The following ADAM32 variants were observed in gnomAD, a reference collection of about 807,000 sequenced individuals.
ADAM32 encodes the protein ADAM metallopeptidase domain 32.
ADAM32 carries 89 observed loss-of-function variants against 114.9 expected under a neutral mutation model. The observed-to-expected ratio is 0.77, with a 90% CI of 0.65 to 0.92. ADAM32 has a LOEUF of 0.92. Ranked by LOEUF, ADAM32 falls within the 40% of genes least tolerant of loss-of-function variation. The probability of loss-of-function intolerance (pLI) is 0.00; values close to 1 mark genes in which losing one functional copy is unlikely to be tolerated. For synonymous variants in ADAM32, 285 were observed against 307.5 expected (o/e 0.93, Z 0.77); for missense variants, 870 against 932.8 (o/e 0.93, Z 0.88).
At position 39,183,034 on chromosome 8, in the gene ADAM32, C is replaced by CA. The variant is rs139339996; in HGVS notation, c.916-3874dup. On this transcript the variant is annotated intron_variant, in intron 10 of 24. Coordinates refer to ENST00000379907, the MANE Select transcript of ADAM32 (RefSeq NM_145004.7). Reference sequence around the variant, plus strand: ...AGTGAGACCACTGGCTGGACTCTAACATCAGGTGGGGATACTGGCTGGGTT... The same window carrying CA: ...AGTGAGACCACTGGCTGGACTCTAACAATCAGGTGGGGATACTGGCTGGGTT... 5.1e-3 allele frequency among the ~76,000 whole-genome samples: 782 copies of CA among 152,284 alleles called. 5 individuals carry two copies. The highest frequency in any genetic ancestry group is 0.018 in the African/African-American group (752 of 41,554).
chr8:39,175,615 C>T (rs983050052), intron 10 of ADAM32, among the ~76,000 whole-genome samples: 8 of 152,152 alleles, frequency 5.3e-5, no homozygotes, highest in Admixed American at 4.6e-4. Context: ...CGATGTTCAT[C>T]AGAGATATTG....
In ADAM32 at chr8:39,223,037, T is replaced by C; in HGVS notation, c.1327-3T>C. Reference sequence around the variant, plus strand: ...TTATTTTTTATGTTCTAACTTCTCTTAGATTTTACAATCAGGCGTTGAATG... The same window carrying C: ...TTATTTTTTATGTTCTAACTTCTCTCAGATTTTACAATCAGGCGTTGAATG... On this transcript the variant is annotated splice_polypyrimidine_tract_variant and splice_region_variant and intron_variant, in intron 13 of 24. Coordinates refer to ENST00000379907, the MANE Select transcript of ADAM32 (RefSeq NM_145004.7). 1 of 1,563,242 alleles carries C rather than the reference T, an allele frequency of 6.4e-7. No homozygotes were observed. The highest frequency in any genetic ancestry group is 8.6e-7 in the Non-Finnish European group (1 of 1,156,844).
intron 3 of ADAM32, among the ~76,000 whole-genome samples, chr8:39,141,699 A>T: frequency 6.6e-6 from 1 of 152,272 alleles, no homozygotes; most frequent in East Asian, 1.9e-4. Flanking sequence ...GTATATGTCT[A>T]TTAGGTCCAC....
chr8:39,138,658 G>A (rs1043238928), intron 3 of ADAM32, among the ~76,000 whole-genome samples: 3 of 152,280 alleles, frequency 2.0e-5, no homozygotes, highest in Admixed American at 6.5e-5. Context: ...CTTTATAGTA[G>A]CATGATTTAT....
intron 12 of ADAM32, among the ~76,000 whole-genome samples, chr8:39,213,535 C>G (rs1364546352): frequency 1.3e-5 from 2 of 151,934 alleles, no homozygotes; most frequent in Non-Finnish European, 2.9e-5. Context: ...TATATTTATA[C>G]ATACATCTAT....
At chr8:39,236,849 A>G (rs1810183084) in intron 16 of ADAM32, among the ~76,000 whole-genome samples, 1 of 152,226 alleles carries the variant, frequency 6.6e-6, no homozygotes, top group Non-Finnish European at 1.5e-5. Flanking sequence ...AAAATGGCAG[A>G]TAGGAGGCAG....
intron 19 of ADAM32, among the ~76,000 whole-genome samples, chr8:39,268,559 A>G (rs1245005373): frequency 6.6e-6 from 1 of 152,176 alleles, no homozygotes; most frequent in Non-Finnish European, 1.5e-5. Flanking sequence ...GTCTTCTAAT[A>G]CTTTTAGCAA....
intron 2 of ADAM32, among the ~76,000 whole-genome samples, chr8:39,118,960 G>A (rs1840488094): frequency 6.6e-6 from 1 of 152,186 alleles, no homozygotes; most frequent in African/African-American, 2.4e-5. Flanking sequence ...CTATCTCTAT[G>A]TATTTGCCTC....
At chr8:39,142,045 T>G (rs1012507608) in intron 3 of ADAM32, among the ~76,000 whole-genome samples, 5 of 152,202 alleles carry the variant, frequency 3.3e-5, no homozygotes, top group African/African-American at 1.2e-4. Flanking sequence ...TTCCATTTGC[T>G]TGGTAGATCT....
intron 11 of ADAM32, among the ~76,000 whole-genome samples, chr8:39,199,976 A>G (rs1807282956): frequency 6.6e-6 from 1 of 152,212 alleles, no homozygotes; most frequent in African/African-American, 2.4e-5. Flanking sequence ...GCTGCATAGT[A>G]TTCCATGGTG....
rs140941756 is a variant in ADAM32, at chr8:39,175,888, A to G, written c.915+5891A>G. On this transcript the variant is annotated intron_variant, in intron 10 of 24. Transcript: ENST00000379907. ...ATTTATTTGTTTATTCAGGGATTCAATTTCTTCCTGGTTCAGTCTTGGAAG... is the reference window on the plus strand; with the variant it reads ...ATTTATTTGTTTATTCAGGGATTCAGTTTCTTCCTGGTTCAGTCTTGGAAG... Among the ~76,000 whole-genome samples, 366 of 152,174 alleles carry G rather than the reference A, an allele frequency of 2.4e-3. 1 individual carries two copies. Among genetic ancestry groups the G allele is most frequent in the Non-Finnish European group, 4.3e-3 (291 of 68,010 alleles).
intron 6 of ADAM32, chr8:39,157,793 G>A: frequency 9.8e-6 from 12 of 1,229,570 alleles, no homozygotes; most frequent in Non-Finnish European, 1.4e-5. Flanking sequence ...AAGCCACCCA[G>A]AGGGTTGATG....
At chr8:39,183,832 C>T (rs1478613628) in intron 10 of ADAM32, among the ~76,000 whole-genome samples, 4 of 152,148 alleles carry the variant, frequency 2.6e-5, no homozygotes, top group Non-Finnish European at 5.9e-5. Flanking sequence ...AAAATGTGAC[C>T]CTGGTCAGAA....
intron 6 of ADAM32, among the ~76,000 whole-genome samples, chr8:39,155,028 C>G (rs930413036): frequency 6.6e-6 from 1 of 152,122 alleles, no homozygotes; most frequent in Admixed American, 6.6e-5. Flanking sequence ...ATTCAACACT[C>G]CTTCATGCTA....
At chr8:39,136,887 A>C (rs1802838489) in intron 3 of ADAM32, among the ~76,000 whole-genome samples, 169 bp downstream of exon 3, 1 of 152,192 alleles carries the variant, frequency 6.6e-6, no homozygotes, top group Admixed American at 6.5e-5. Flanking sequence ...TTAATGTCTC[A>C]AGTATTCTTT....
intron 10 of ADAM32, among the ~76,000 whole-genome samples, chr8:39,186,262 A>G (rs1806235430): frequency 6.6e-6 from 1 of 152,200 alleles, no homozygotes; most frequent in African/African-American, 2.4e-5. Flanking sequence ...CCTGCATCAT[A>G]TCCTATGCCA....
At chr8:39,256,410 GA>G (rs1811650408) in intron 18 of ADAM32, among the ~76,000 whole-genome samples, 1 of 151,938 alleles carries the variant, frequency 6.6e-6, no homozygotes, top group Non-Finnish European at 1.5e-5. Flanking sequence ...TACTCTGAAG[GA>G]GTTTATCATT....
intron 12 of ADAM32, chr8:39,221,126 C>A (rs748065463): frequency 6.6e-6 from 1 of 152,364 alleles, no homozygotes; most frequent in Non-Finnish European, 1.5e-5. Flanking sequence ...ATTATATTCT[C>A]TTGCTAAATG....
intron 2 of ADAM32, among the ~76,000 whole-genome samples, chr8:39,124,954 A>G (rs1802023490): frequency 6.6e-6 from 1 of 152,154 alleles, no homozygotes; most frequent in Non-Finnish European, 1.5e-5. Context: ...ACTAATTTAC[A>G]TTCCCCCCAA....
Sources: allele counts gnomAD v4.1 joint callset (sites outside exome capture counted in the v4.1 genomes callset), GRCh38; gene constraint gnomAD v4.1.1; transcripts MANE v1.5; gene names NCBI Gene and HGNC (gene_info 2026-07-23, HGNC 2026-07-21).